The following NR6A1 variants were observed in gnomAD, a reference collection of about 807,000 sequenced individuals.
NR6A1 encodes nuclear receptor subfamily 6 group A member 1, also known as retinoic acid receptor-related testis-associated receptor.
NR6A1 carries 7 observed loss-of-function variants against 59.1 expected under a neutral mutation model. The observed-to-expected ratio is 0.12, with a 90% confidence interval of 0.07 to 0.22. The LOEUF (loss-of-function observed/expected upper bound fraction) is 0.22. Among genes scored for constraint, NR6A1 ranks in the 10% least tolerant of loss-of-function variants. NR6A1 has a pLI of 1.00. For missense variants in NR6A1, 468 were observed against 611.6 expected (o/e 0.77, Z 2.48); for synonymous variants, 243 against 236.1 (o/e 1.03, Z -0.27).
Position 124,650,712 on chromosome 9 carries a change from C to G in NR6A1, c.142+82596G>C, listed in dbSNP as rs531261744. 7.2e-5 allele frequency among the ~76,000 whole-genome samples: 11 copies of G among 152,232 alleles called. No homozygotes were observed. The East Asian group carries it at 2.1e-3, about 29-fold the overall frequency. On this transcript the variant is annotated intron_variant, in intron 2 of 9. Transcript: ENST00000487099. ...ATCACATGTACCCTATAAATATATA[C>G]AATTATATATCAATTGAAGTAACAA...
At chr9:124,551,241 A>G (rs1833768892) in intron 3 of NR6A1, among the ~76,000 whole-genome samples, 2 of 152,120 alleles carry the variant, frequency 1.3e-5, no homozygotes, top group Non-Finnish European at 1.5e-5. Context: ...AGCCCCTCTC[A>G]GTGGCTAGAG....
intron 2 of NR6A1, among the ~76,000 whole-genome samples, chr9:124,566,387 T>C (rs1486539612): frequency 6.6e-6 from 1 of 152,184 alleles, no homozygotes; most frequent in Non-Finnish European, 1.5e-5. Flanking sequence ...TAAGTATTAA[T>C]ATTTCATAAT....
intron 3 of NR6A1, among the ~76,000 whole-genome samples, chr9:124,547,901 T>C (rs565901811): frequency 6.6e-6 from 1 of 152,184 alleles, no homozygotes; most frequent in African/African-American, 2.4e-5. Flanking sequence ...GAAAATAAAA[T>C]TGCTATAAAG....
At chr9:124,683,629 A>G (rs1373894729) in intron 2 of NR6A1, among the ~76,000 whole-genome samples, 1 of 152,124 alleles carries the variant, frequency 6.6e-6, no homozygotes, top group Non-Finnish European at 1.5e-5. Flanking sequence ...TCCCATCTCT[A>G]CTAAAGATAC....
chr9:124,712,791 T>A (rs544635842), intron 2 of NR6A1, among the ~76,000 whole-genome samples: 10 of 152,322 alleles, frequency 6.6e-5, no homozygotes, highest in African/African-American at 1.9e-4. Context: ...AAGGCTAGCC[T>A]GAGTTTCAAA....
chr9:124,602,980 T>C (rs1446538156), intron 2 of NR6A1, among the ~76,000 whole-genome samples: 1 of 152,222 alleles, frequency 6.6e-6, no homozygotes, highest in African/African-American at 2.4e-5. Context: ...CTTTTCACTA[T>C]TTCCTTATAG....
intron 3 of NR6A1, among the ~76,000 whole-genome samples, chr9:124,552,766 G>C (rs913119166): frequency 6.6e-6 from 1 of 151,968 alleles, no homozygotes; most frequent in Non-Finnish European, 1.5e-5. Context: ...TATATATGGA[G>C]GGTACATAAA....
At chr9:124,685,724 T>G (rs941873344) in intron 2 of NR6A1, among the ~76,000 whole-genome samples, 1 of 152,190 alleles carries the variant, frequency 6.6e-6, no homozygotes, top group African/African-American at 2.4e-5. Flanking sequence ...AAATTGTAGG[T>G]TGAAACTTAT....
chr9:124,643,925 G>A lies in NR6A1; in HGVS notation c.143-89355C>T, dbSNP rs553628371. On this transcript the variant is annotated intron_variant, in intron 2 of 9. Transcript: ENST00000487099. ...TTTTTTTGTTTTTGTTTTTTGAGAC[G>A]GAGTCTCACTCTGTCACCAGGCTGG... 4.6e-5 allele frequency among the ~76,000 whole-genome samples: 7 copies of A among 151,776 alleles called. No individual in the cohort carries two copies. The South Asian group carries it at 8.3e-4, about 18-fold the overall frequency.
At position 124,526,917 on chromosome 9, in the gene NR6A1, GGT is replaced by G; in HGVS notation, c.1080-19_1080-18del. Reference sequence around the variant, plus strand: ...TCACTAAATCTGAGGAACAGACACAGGTGTTAACAGTTGGCTGTGACACCAGT... The same window carrying G: ...TCACTAAATCTGAGGAACAGACACAGGTTAACAGTTGGCTGTGACACCAGT... On this transcript the variant is annotated intron_variant, in intron 7 of 9. Transcript: ENST00000487099. The G allele has an allele frequency of 6.2e-7, 1 of 1,613,424 alleles. No individual in the cohort carries two copies. Among genetic ancestry groups the G allele is most frequent in the Non-Finnish European group, 8.5e-7 (1 of 1,179,498 alleles).
At chr9:124,632,772 T>A (rs954311091) in intron 2 of NR6A1, among the ~76,000 whole-genome samples, 2 of 152,232 alleles carry the variant, frequency 1.3e-5, no homozygotes, top group Non-Finnish European at 2.9e-5. Context: ...CCCTTCCAAG[T>A]TATTTAACCT....
intron 2 of NR6A1, among the ~76,000 whole-genome samples, chr9:124,588,129 T>G (rs1412268473): frequency 1.3e-5 from 2 of 152,238 alleles, no homozygotes; most frequent in Non-Finnish European, 2.9e-5. Context: ...TCTAAGTTCT[T>G]GTCAGCATAT....
chr9:124,649,650 C>T (rs1163002015), intron 2 of NR6A1, among the ~76,000 whole-genome samples: 1 of 151,990 alleles, frequency 6.6e-6, no homozygotes, highest in African/African-American at 2.4e-5. Context: ...AAGAAAACAA[C>T]CGACAAAATA....
chr9:124,556,081 C>T lies in NR6A1; in HGVS notation c.143-1511G>A, dbSNP rs116991784. On this transcript the variant is annotated intron_variant, in intron 2 of 9. Transcript: ENST00000487099. The stretch of plus-strand genomic sequence containing the variant: ...CCATCTATAGTAAGCAGAATAACTG[C>T]GACCCATAGATATCAGGTCCTAATC... Among the ~76,000 whole-genome samples the T allele has an allele frequency of 3.9e-5, 6 of 152,204 alleles. No homozygotes were observed. In the East Asian group the frequency reaches 5.8e-4, roughly 15 times the overall value.
At chr9:124,639,967 T>G (rs1159781737) in intron 2 of NR6A1, among the ~76,000 whole-genome samples, 1 of 152,216 alleles carries the variant, frequency 6.6e-6, no homozygotes, top group African/African-American at 2.4e-5. Context: ...GGGTAATGTG[T>G]TGATGAACCC....
chr9:124,596,494 G>A (rs940196421), intron 2 of NR6A1, among the ~76,000 whole-genome samples: 11 of 152,054 alleles, frequency 7.2e-5, no homozygotes, highest in Admixed American at 5.2e-4. Context: ...ATGCAAGAAT[G>A]CTCTGGTTAT....
chr9:124,755,590 T>C (rs1840611962), intron 1 of NR6A1, among the ~76,000 whole-genome samples: 1 of 152,206 alleles, frequency 6.6e-6, no homozygotes, highest in Non-Finnish European at 1.5e-5. Context: ...AACCTAACTT[T>C]TCTTATAGCA....
intron 2 of NR6A1, among the ~76,000 whole-genome samples, chr9:124,730,009 C>T (rs1839836850): frequency 6.6e-6 from 1 of 151,966 alleles, no homozygotes; most frequent in African/African-American, 2.4e-5. Flanking sequence ...GATGGGGTTT[C>T]TCAATATTGG....
Position 124,771,174 on chromosome 9 carries a change from T to C in NR6A1, c.-55A>G, listed in dbSNP as rs545967460. ...TGTTGCTCCGCCATGACCGGCGCCC[T>C]AGTCGCCGTGGTCGTCGTCCGCCGA... On this transcript the variant is annotated 5_prime_UTR_variant, in exon 1 of 10. Coordinates refer to ENST00000487099, the MANE Select transcript of NR6A1 (RefSeq NM_033334.4). 68 of 1,019,954 alleles carry C rather than the reference T, an allele frequency of 6.7e-5. No homozygotes were observed. The African/African-American group carries it at 8.5e-4, about 13-fold the overall frequency. 63.2% of individuals were successfully genotyped at this position (1,019,954 alleles called of 1,614,324 possible).
Sources: gnomAD v4.1 joint callset for allele counts (sites outside exome capture counted in the v4.1 genomes callset) on GRCh38, gnomAD v4.1.1 for gene constraint, MANE v1.5 for transcripts, NCBI Gene and HGNC (gene_info 2026-07-23, HGNC 2026-07-21) for gene names.